The following COL24A1 variants were observed in gnomAD, a reference collection of about 807,000 sequenced individuals.
The protein encoded by COL24A1 is collagen alpha-1(XXIV) chain.
In COL24A1, 224 loss-of-function variants were observed where a neutral mutation model predicts 253.9. That is an observed-to-expected ratio of 0.88 (90% CI 0.79 to 0.99). COL24A1 has a LOEUF of 0.99. COL24A1 is among the 50% of genes least tolerant of loss of function. The pLI is 0.00. For missense variants in COL24A1, 2,131 were observed against 2,068.5 expected (o/e 1.03, Z -0.59); for synonymous variants, 685 against 673.7 (o/e 1.02, Z -0.26).
In COL24A1 at chr1:85,940,398, C is replaced by T. The variant is rs1246903857; in HGVS notation, c.2562+20851G>A. Among the ~76,000 whole-genome samples, 2 of 6,632 alleles carry T rather than the reference C, an allele frequency of 3.0e-4. 1 individual carries two copies. Among genetic ancestry groups the T allele is most frequent in the Non-Finnish European group, 6.6e-4 (2 of 3,024 alleles). The allele number at this position is 6,632 out of a possible 152,430, so 4.4% of individuals were successfully genotyped here. On this transcript the variant is annotated intron_variant, in intron 24 of 59. Transcript: ENST00000370571. ...CAGCCTGGGCGACAGAGCGAGACTC[C>T]GTCTCAAAAAAAAAAAAAAAAAAAA...
chr1:85,895,455 C>T (rs1013079434), intron 31 of COL24A1, among the ~76,000 whole-genome samples: 3 of 152,084 alleles, frequency 2.0e-5, no homozygotes, highest in African/African-American at 7.2e-5. Flanking sequence ...ATATGTCACA[C>T]CATTTTATTT....
At chr1:85,999,717 T>C (rs1695216027) in intron 19 of COL24A1, among the ~76,000 whole-genome samples, 1 of 152,104 alleles carries the variant, frequency 6.6e-6, no homozygotes, top group South Asian at 2.1e-4. Flanking sequence ...CTCTATCTCC[T>C]TGTAGATAAT....
intron 12 of COL24A1, among the ~76,000 whole-genome samples, chr1:86,044,843 T>A (rs574932704): frequency 6.6e-6 from 1 of 152,172 alleles, no homozygotes; most frequent in Non-Finnish European, 1.5e-5. Context: ...ATCAGCAATA[T>A]TATCAAATGA....
At chr1:85,953,101 T>C (rs1012223621) in intron 24 of COL24A1, among the ~76,000 whole-genome samples, 4 of 152,094 alleles carry the variant, frequency 2.6e-5, no homozygotes, top group African/African-American at 9.7e-5. Flanking sequence ...ATCCTGACCA[T>C]AAAAGTATCA....
chr1:86,149,347 AATG>A (rs2102439749), intron 1 of COL24A1, among the ~76,000 whole-genome samples: 1 of 152,352 alleles, frequency 6.6e-6, no homozygotes, highest in South Asian at 2.1e-4. Context: ...GCAAGATTAA[AATG>A]ATGTGTGGGC....
Position 86,077,925 on chromosome 1 carries a change from A to G in COL24A1, c.1707+11249T>C, listed in dbSNP as rs186083897. On this transcript the variant is annotated intron_variant, in intron 7 of 59. Transcript: ENST00000370571. ...GGGTGCAAACCACTATGGCACGTGTATACCTATGTAACAAACCTGCACATT... is the reference window on the plus strand; with the variant it reads ...GGGTGCAAACCACTATGGCACGTGTGTACCTATGTAACAAACCTGCACATT... 7.3e-3 allele frequency among the ~76,000 whole-genome samples: 1,113 copies of G among 152,318 alleles called. 9 individuals carry two copies. The highest frequency in any genetic ancestry group is 0.024 in the African/African-American group (995 of 41,580).
At chr1:85,973,904 T>C (rs1223569676) in intron 20 of COL24A1, among the ~76,000 whole-genome samples, 2 of 152,158 alleles carry the variant, frequency 1.3e-5, no homozygotes, top group South Asian at 2.1e-4. Context: ...ATATAAAATA[T>C]GCAAGGCATT....
At chr1:85,870,059 TAA>T (rs1680269455) in intron 35 of COL24A1, among the ~76,000 whole-genome samples, 1 of 152,080 alleles carries the variant, frequency 6.6e-6, no homozygotes, top group African/African-American at 2.4e-5. Flanking sequence ...TAGTCACTGA[TAA>T]AAAGACTTTA....
intron 55 of COL24A1, among the ~76,000 whole-genome samples, chr1:85,754,548 A>T (rs11485260): frequency 1.5e-4 from 4 of 25,834 alleles, no homozygotes; most frequent in Non-Finnish European, 4.5e-4. Context: ...AAAAAAAAAA[A>T]TTAAAAAAAA....
chr1:86,012,103 G>A (rs1427221432), intron 19 of COL24A1, among the ~76,000 whole-genome samples: 1 of 151,766 alleles, frequency 6.6e-6, no homozygotes, highest in Non-Finnish European at 1.5e-5. Flanking sequence ...ACAAGCATAA[G>A]CCACCATGCC....
chr1:86,151,369 A>C (rs779203265), intron 1 of COL24A1, among the ~76,000 whole-genome samples: 13 of 152,202 alleles, frequency 8.5e-5, no homozygotes, highest in Middle Eastern at 3.2e-3. Context: ...TTATAGAGTT[A>C]TAGTTACTCA....
intron 43 of COL24A1, among the ~76,000 whole-genome samples, chr1:85,825,949 T>G (rs1364467493): frequency 1.2e-5 from 1 of 85,964 alleles, no homozygotes; most frequent in African/African-American, 3.9e-5. Context: ...TTTGTCAATT[T>G]TGGCTTTTGT....
At chr1:85,872,818 A>G (rs1276523046) in intron 35 of COL24A1, among the ~76,000 whole-genome samples, 1 of 152,228 alleles carries the variant, frequency 6.6e-6, no homozygotes, top group Non-Finnish European at 1.5e-5. Flanking sequence ...CAATGGCAAC[A>G]AAAGCCAAAA....
intron 2 of COL24A1, among the ~76,000 whole-genome samples, chr1:86,129,735 A>C (rs541828629): frequency 6.6e-6 from 1 of 151,940 alleles, no homozygotes; most frequent in East Asian, 1.9e-4. Context: ...ATCTAACTTA[A>C]TAGTATTATG....
intron 20 of COL24A1, among the ~76,000 whole-genome samples, chr1:85,978,417 C>T (rs1692908855): frequency 6.6e-6 from 1 of 152,088 alleles, no homozygotes; most frequent in East Asian, 1.9e-4. Flanking sequence ...CCTAAATGCT[C>T]CACTTATGGC....
At chr1:86,050,045 C>T in intron 11 of COL24A1, 79 bp downstream of exon 11, 4 of 1,223,980 alleles carry the variant, frequency 3.3e-6, no homozygotes, top group South Asian at 1.5e-5. Context: ...ACTTCCCTGA[C>T]ATCTGATTTT....
chr1:86,077,143 C>G (rs910246430), intron 7 of COL24A1, among the ~76,000 whole-genome samples: 9 of 152,102 alleles, frequency 5.9e-5, no homozygotes, highest in African/African-American at 2.2e-4. Flanking sequence ...AACAAATTCA[C>G]AAGAAGAAAA....
intron 2 of COL24A1, among the ~76,000 whole-genome samples, chr1:86,139,930 T>C (rs10873756): frequency 0.72 from 108,869 of 152,130 alleles, 39,969 homozygotes; most frequent in Non-Finnish European, 0.79. Flanking sequence ...ATAGTCAATA[T>C]CAGAATCAAG....
chr1:85,906,874 A>G (rs1684888618), intron 28 of COL24A1, among the ~76,000 whole-genome samples: 1 of 151,894 alleles, frequency 6.6e-6, no homozygotes, highest in South Asian at 2.1e-4. Context: ...CTGTAGAGAA[A>G]TAATTCATTT....
Sources: gnomAD v4.1 joint callset for allele counts (sites outside exome capture counted in the v4.1 genomes callset) on GRCh38, gnomAD v4.1.1 for gene constraint, MANE v1.5 for transcripts, NCBI Gene and HGNC (gene_info 2026-07-23, HGNC 2026-07-21) for gene names.